Variants in CAMTA1 observed in about 807,000 individuals in gnomAD.
The protein encoded by CAMTA1 is calmodulin-binding transcription activator 1.
CAMTA1 carries 27 observed loss-of-function variants against 170.9 expected under a neutral mutation model. The observed-to-expected ratio is 0.16, with a 90% CI of 0.12 to 0.22. The LOEUF (loss-of-function observed/expected upper bound fraction) is 0.22. Among genes scored for constraint, CAMTA1 ranks in the 10% least tolerant of loss-of-function variants. CAMTA1 has a pLI of 1.00. For missense variants in CAMTA1, 1,619 were observed against 2,217.2 expected (o/e 0.73, Z 5.42); for synonymous variants, 833 against 891.5 (o/e 0.93, Z 1.17).
intron 3 of CAMTA1, among the ~76,000 whole-genome samples, chr1:7,069,807 T>TA (rs1395232045): frequency 4.6e-5 from 7 of 152,192 alleles, no homozygotes; most frequent in Non-Finnish European, 1.0e-4. Flanking sequence ...ACTCCAGACT[T>TA]ACCCTGGGCC....
At chr1:7,304,211 T>G (rs1005868271) in intron 5 of CAMTA1, among the ~76,000 whole-genome samples, 1 of 152,206 alleles carries the variant, frequency 6.6e-6, no homozygotes, top group Non-Finnish European at 1.5e-5. Context: ...ACGGTCAAAA[T>G]GGGAAATTTC....
intron 5 of CAMTA1, among the ~76,000 whole-genome samples, chr1:7,280,020 G>A (rs1211857374): frequency 2.0e-5 from 3 of 152,216 alleles, no homozygotes; most frequent in Non-Finnish European, 4.4e-5. Context: ...GAGCCTGCTC[G>A]TTGCTGGTAG....
At chr1:7,488,724 G>A (rs970927650) in intron 6 of CAMTA1, among the ~76,000 whole-genome samples, 9 of 151,922 alleles carry the variant, frequency 5.9e-5, no homozygotes, top group Non-Finnish European at 1.2e-4. Flanking sequence ...CATACCCATA[G>A]TACACATAAA....
chr1:6,812,238 A>G (rs903156343), intron 1 of CAMTA1, among the ~76,000 whole-genome samples: 3 of 152,196 alleles, frequency 2.0e-5, no homozygotes, highest in South Asian at 2.1e-4. Context: ...ACACAGTAGT[A>G]TGGGAGAACT....
At chr1:7,095,567 C>T (rs1413058256) in intron 4 of CAMTA1, among the ~76,000 whole-genome samples, 1 of 152,220 alleles carries the variant, frequency 6.6e-6, no homozygotes, top group African/African-American at 2.4e-5. Flanking sequence ...AAAGCCCATA[C>T]CCTTTGCTTT....
chr1:7,736,285 C>T lies in CAMTA1; in HGVS notation c.3067-59C>T, dbSNP rs2096771899. The T allele has an allele frequency of 5.6e-6, 8 of 1,431,958 alleles. No homozygotes were observed. Among genetic ancestry groups the T allele is most frequent in the East Asian group, 4.7e-5 (2 of 42,328 alleles). 88.7% of individuals were successfully genotyped at this position (1,431,958 alleles called of 1,614,324 possible). A position where few individuals can be genotyped will look rare whatever the true frequency, so the allele number is the denominator to read the frequency against. The stretch of plus-strand genomic sequence containing the variant: ...AGCATTTGTTTCCCCTACATCGAAG[C>T]GCTGATGGGGTCGAGGGCCTTTAGT... On this transcript the variant is annotated intron_variant, in intron 12 of 22. Coordinates refer to ENST00000303635, the MANE Select transcript of CAMTA1 (RefSeq NM_015215.4). The surrounding 1 kb of genome is among the most constrained non-coding windows in gnomAD (Gnocchi z 4.5).
rs2096786456 is a variant in CAMTA1, at chr1:7,738,421, T to C, written c.4121T>C (p.Leu1374Pro). The C allele has an allele frequency of 6.2e-7, 1 of 1,614,164 alleles. No individual in the cohort carries two copies. The highest frequency in any genetic ancestry group is 8.5e-7 in the Non-Finnish European group (1 of 1,180,028). ...MANREVVNTE[L>P]GSYRDSAENE... Reference sequence around the variant, plus strand: ...AACAGAGAGGTGGTGAATACAGAGCTGGGGTCCTACCGTGATAGTGCAGAA... The same window carrying C: ...AACAGAGAGGTGGTGAATACAGAGCCGGGGTCCTACCGTGATAGTGCAGAA... Residue 1374 changes from leucine (L) to proline (P), a missense_variant, in exon 16 of 23, where the codon CTG becomes CCG. Around this residue, in one of 8 missense-constraint regions of CAMTA1, gnomAD observed 370 missense variants for 429.4 expected, o/e 0.86. Coordinates refer to ENST00000303635, the MANE Select transcript of CAMTA1 (RefSeq NM_015215.4). This position sits in a 1 kb window ranked among gnomAD's most constrained non-coding sequence, Gnocchi z 4.9.
At chr1:7,436,025 C>T (rs907833708) in intron 5 of CAMTA1, among the ~76,000 whole-genome samples, 3 of 152,194 alleles carry the variant, frequency 2.0e-5, no homozygotes, top group Non-Finnish European at 2.9e-5. Flanking sequence ...CAAGCAGGAG[C>T]GGGAGGCTCT....
chr1:7,204,382 T>C (rs985044201), intron 4 of CAMTA1, among the ~76,000 whole-genome samples: 2 of 152,210 alleles, frequency 1.3e-5, no homozygotes, highest in Non-Finnish European at 2.9e-5. Context: ...TTTACCAATA[T>C]TCGTATTTTT....
intron 3 of CAMTA1, among the ~76,000 whole-genome samples, chr1:6,867,957 A>G (rs1177027085): frequency 6.6e-6 from 1 of 151,932 alleles, no homozygotes; most frequent in Non-Finnish European, 1.5e-5. Context: ...GCAGGCATGT[A>G]CCACCACACC....
chr1:7,104,139 GT>G (rs1450757579), intron 4 of CAMTA1, among the ~76,000 whole-genome samples: 3 of 78,534 alleles, frequency 3.8e-5, no homozygotes, highest in Non-Finnish European at 7.9e-5. Context: ...AACTACACAC[GT>G]ACACACAACA....
chr1:7,337,780 G>A (rs2083493934), intron 5 of CAMTA1, among the ~76,000 whole-genome samples: 1 of 152,138 alleles, frequency 6.6e-6, no homozygotes, highest in Non-Finnish European at 1.5e-5. Context: ...AAGGAGTTCT[G>A]CCTCCAGGCT....
intron 3 of CAMTA1, among the ~76,000 whole-genome samples, chr1:6,844,254 AG>A (rs1286518952): frequency 6.6e-6 from 1 of 152,172 alleles, no homozygotes. Context: ...ATATATTAGC[AG>A]GGCTTCTGGG....
In CAMTA1 at chr1:7,457,853, G is replaced by A. The variant is rs138466663; in HGVS notation, c.439-9977G>A. Among the ~76,000 whole-genome samples the A allele has an allele frequency of 4.7e-4, 72 of 152,246 alleles. No homozygotes were observed. In the East Asian group the frequency reaches 8.2e-3, roughly 17 times the overall value. On this transcript the variant is annotated intron_variant, in intron 5 of 22. Transcript: ENST00000303635. Reference sequence around the variant, plus strand: ...GGGGTCTCCAGGGTCCCCACCTGGCGGGTCTTCTTGGTGCTCTCTGCCTGC... The same window carrying A: ...GGGGTCTCCAGGGTCCCCACCTGGCAGGTCTTCTTGGTGCTCTCTGCCTGC...
At chr1:6,951,024 T>G (rs1400513504) in intron 3 of CAMTA1, among the ~76,000 whole-genome samples, 1 of 152,218 alleles carries the variant, frequency 6.6e-6, no homozygotes, top group Non-Finnish European at 1.5e-5. Flanking sequence ...GGCTGCACAG[T>G]TGACCTCCTT....
At chr1:7,148,751 G>A (rs1297428759) in intron 4 of CAMTA1, among the ~76,000 whole-genome samples, 1 of 152,246 alleles carries the variant, frequency 6.6e-6, no homozygotes, top group Non-Finnish European at 1.5e-5. Context: ...GGCACCATGT[G>A]GGCTGTGACC....
chr1:7,015,982 A>C (rs1357313473), intron 3 of CAMTA1, among the ~76,000 whole-genome samples: 1 of 152,240 alleles, frequency 6.6e-6, no homozygotes, highest in Non-Finnish European at 1.5e-5. Context: ...GAGAACAGCA[A>C]GAGGGAATCC....
intron 3 of CAMTA1, among the ~76,000 whole-genome samples, chr1:7,056,163 G>T (rs1046767040): frequency 5.9e-5 from 9 of 152,212 alleles, no homozygotes; most frequent in Non-Finnish European, 1.3e-4. Flanking sequence ...CGGGGCCAGA[G>T]GCTAGGAGTG....
chr1:7,614,275 A>C (rs573477436), intron 6 of CAMTA1, among the ~76,000 whole-genome samples: 1 of 152,156 alleles, frequency 6.6e-6, no homozygotes, highest in Admixed American at 6.5e-5. Context: ...GAGCTGGCCT[A>C]TGTGTCCATC....
Sources: allele counts gnomAD v4.1 joint callset (sites outside exome capture counted in the v4.1 genomes callset), GRCh38; gene constraint gnomAD v4.1.1; regional missense constraint gnomAD v4.1.1; non-coding constraint Gnocchi (gnomAD v3.1); transcripts MANE v1.5; gene names NCBI Gene and HGNC (gene_info 2026-07-23, HGNC 2026-07-21).